The following FAM228B variants were observed in gnomAD, a reference collection of about 807,000 sequenced individuals.
FAM228B encodes the protein family with sequence similarity 228 member B.
In FAM228B, 38 loss-of-function variants were observed where a neutral mutation model predicts 42.6. The observed-to-expected ratio is 0.89, with a 90% CI of 0.69 to 1.17. The LOEUF (loss-of-function observed/expected upper bound fraction) is 1.17, where lower values mean the gene tolerates loss of function less well. FAM228B is among the 50% of genes most tolerant of loss of function. FAM228B has a pLI of 0.00. For synonymous variants in FAM228B, 109 were observed against 122.3 expected, an observed-to-expected ratio of 0.89 and a Z score of 0.72; for missense variants, 344 against 367.3, an observed-to-expected ratio of 0.94 and a Z score of 0.52.
intron 2 of FAM228B, chr2:24,082,997 G>T: frequency 6.2e-7 from 1 of 1,614,142 alleles, no homozygotes; most frequent in East Asian, 2.2e-5. Flanking sequence ...GGACAGTGAC[G>T]TACTGAGCCT....
At chr2:24,093,815 C>T (rs899174240) in intron 2 of FAM228B, among the ~76,000 whole-genome samples, 5 of 151,910 alleles carry the variant, frequency 3.3e-5, no homozygotes, top group African/African-American at 1.2e-4. Flanking sequence ...AGACGGGTTT[C>T]ACCATATTGG....
intron 7 of FAM228B, among the ~76,000 whole-genome samples, chr2:24,154,155 AACGAGGTACTGTGATTGCTC>A (rs1558392696): frequency 6.6e-6 from 1 of 152,228 alleles, no homozygotes; most frequent in African/African-American, 2.4e-5. Context: ...ATGAAGTTAA[AACGAGGTACTGTGATTGCTC>A]ACCTGATTTT....
chr2:24,168,874 C>T (rs1252426146), intron 10 of FAM228B, among the ~76,000 whole-genome samples: 2 of 152,130 alleles, frequency 1.3e-5, no homozygotes, highest in African/African-American at 4.8e-5. Flanking sequence ...ATAGGTCAAA[C>T]TAGCTCAGTG....
intron 3 of FAM228B, among the ~76,000 whole-genome samples, chr2:24,113,462 C>T (rs1283511844): frequency 6.6e-6 from 1 of 152,052 alleles, no homozygotes; most frequent in African/African-American, 2.4e-5. Flanking sequence ...CCTAGCTACT[C>T]GGGAGGCTGA....
intron 8 of FAM228B, 62 bp downstream of exon 8, chr2:24,161,675 C>T (rs1195735075): frequency 4.0e-6 from 4 of 997,464 alleles, no homozygotes; most frequent in Non-Finnish European, 6.2e-6. Context: ...GTGCTGCCAT[C>T]CCCTGCCATC....
intron 4 of FAM228B, among the ~76,000 whole-genome samples, chr2:24,138,425 C>T (rs925557461): frequency 2.6e-5 from 4 of 152,098 alleles, no homozygotes; most frequent in Non-Finnish European, 5.9e-5. Flanking sequence ...AAACCTCCAC[C>T]TCACGGCTTC....
chr2:24,080,958 G>C lies in FAM228B; in HGVS notation c.-210+3G>C. The C allele has an allele frequency of 6.2e-7, 1 of 1,614,200 alleles. No homozygotes were observed. The highest frequency in any genetic ancestry group is 8.5e-7 in the Non-Finnish European group (1 of 1,180,028). ...GAGGAATAGCTCCAGCCATCCGGGT[G>C]AGTTGGATAGCAGCTGTGCCCACAC... is the stretch of plus-strand genomic sequence containing the variant. On this transcript the variant is annotated splice_donor_region_variant and intron_variant, in intron 2 of 10. Coordinates refer to the FAM228B transcript ENST00000613899. The surrounding 1 kb of genome is among the most constrained non-coding windows in gnomAD (Gnocchi z 4.7).
chr2:24,153,149 A>G (rs1667060178), intron 7 of FAM228B, among the ~76,000 whole-genome samples: 1 of 152,112 alleles, frequency 6.6e-6, no homozygotes, highest in South Asian at 2.1e-4. Context: ...CCAGGCCCAG[A>G]CTCAGGGACC....
intron 3 of FAM228B, chr2:24,115,710 A>G (rs1416147132): frequency 1.1e-5 from 14 of 1,330,288 alleles, no homozygotes; most frequent in Non-Finnish European, 1.5e-5. Flanking sequence ...TTGCCAGGTG[A>G]CTGCCATGTG....
At chr2:24,108,417 G>C (rs779882564) in intron 3 of FAM228B, among the ~76,000 whole-genome samples, 2 of 152,188 alleles carry the variant, frequency 1.3e-5, no homozygotes, top group Non-Finnish European at 2.9e-5. Flanking sequence ...AATTGAGGAG[G>C]AGGGACTCCT....
chr2:24,151,792 C>T (rs950011646), intron 7 of FAM228B, among the ~76,000 whole-genome samples: 5 of 152,066 alleles, frequency 3.3e-5, no homozygotes, highest in African/African-American at 7.2e-5. Flanking sequence ...AGGCGATTCT[C>T]CTGCCTCAGT....
chr2:24,077,839 C>T lies in FAM228B; in HGVS notation c.-290+870C>T, dbSNP rs1664826737. Reference sequence around the variant, plus strand: ...CTCCTCATCCTCCTCAGCCTTCTTGCTCTCTCTGAAGCCACGTATCTGAAA... The same window carrying T: ...CTCCTCATCCTCCTCAGCCTTCTTGTTCTCTCTGAAGCCACGTATCTGAAA... On this transcript the variant is annotated intron_variant, in intron 1 of 10. Coordinates refer to the FAM228B transcript ENST00000613899. The surrounding 1 kb of genome is among the most constrained non-coding windows in gnomAD (Gnocchi z 5.5). 1 of 1,507,764 alleles carries T rather than the reference C, an allele frequency of 6.6e-7. No homozygotes were observed. The highest frequency in any genetic ancestry group is 9.0e-7 in the Non-Finnish European group (1 of 1,115,670). 93.4% of individuals were successfully genotyped at this position (1,507,764 alleles called of 1,614,324 possible).
chr2:24,113,351 T>C (rs1665830208), intron 3 of FAM228B, among the ~76,000 whole-genome samples: 2 of 152,176 alleles, frequency 1.3e-5, no homozygotes, highest in African/African-American at 4.8e-5. Flanking sequence ...GGCAGAACGA[T>C]TGCTTGAGCC....
intron 7 of FAM228B, among the ~76,000 whole-genome samples, chr2:24,157,262 G>C (rs1667170784): frequency 6.6e-6 from 1 of 152,096 alleles, no homozygotes; most frequent in Admixed American, 6.6e-5. Flanking sequence ...CTATCTTGGA[G>C]AACATTTTAT....
intron 10 of FAM228B, among the ~76,000 whole-genome samples, chr2:24,168,955 G>A (rs565147786): frequency 7.9e-5 from 12 of 152,274 alleles, no homozygotes; most frequent in African/African-American, 2.4e-4. Context: ...CTGATCGCGA[G>A]GCACAGAATA....
At chr2:24,132,659 G>GT (rs1269726097) in intron 2 of FAM228B, among the ~76,000 whole-genome samples, 1 of 151,096 alleles carries the variant, frequency 6.6e-6, no homozygotes. Flanking sequence ...TCCATTGATT[G>GT]TTTTTTTCTT....
At chr2:24,150,523 C>A (rs1034828852) in intron 7 of FAM228B, among the ~76,000 whole-genome samples, 3 of 151,970 alleles carry the variant, frequency 2.0e-5, no homozygotes, top group African/African-American at 4.8e-5. Flanking sequence ...CTCCCAGGTT[C>A]CAGTGATTCT....
At chr2:24,081,720 A>C (rs1665011108) in intron 2 of FAM228B, among the ~76,000 whole-genome samples, 1 of 139,690 alleles carries the variant, frequency 7.2e-6, no homozygotes, top group African/African-American at 2.7e-5. Context: ...ACGGAGTCTC[A>C]CTCTGTCACC....
intron 8 of FAM228B, among the ~76,000 whole-genome samples, chr2:24,161,826 C>T (rs908769863): frequency 1.5e-4 from 23 of 152,228 alleles, no homozygotes; most frequent in African/African-American, 5.3e-4. Context: ...AGGCTGGGTG[C>T]GGTGGCTCCC....
Sources: allele counts gnomAD v4.1 joint callset (sites outside exome capture counted in the v4.1 genomes callset), GRCh38; gene constraint gnomAD v4.1.1; non-coding constraint Gnocchi (gnomAD v3.1); transcripts MANE v1.5; gene names NCBI Gene and HGNC (gene_info 2026-07-23, HGNC 2026-07-21).